ALOXE3: variants seen among roughly 807,000 people sequenced by gnomAD.
ALOXE3 encodes the protein arachidonate epidermal lipoxygenase 3.
In ALOXE3, 78 loss-of-function variants were observed where a neutral mutation model predicts 87.5. The ratio of observed to expected loss-of-function variants is 0.89; its 90% confidence interval spans 0.74 to 1.08. ALOXE3 has a LOEUF of 1.08. Among genes scored for constraint, ALOXE3 ranks in the 50% least tolerant of loss-of-function variants. The probability of loss-of-function intolerance (pLI) is 0.00; values close to 1 mark genes in which losing one functional copy is unlikely to be tolerated. For missense variants in ALOXE3, 946 were observed against 912.4 expected (o/e 1.04, Z -0.47); for synonymous variants, 363 against 370.8 (o/e 0.98, Z 0.24).
chr17:8,103,442 G>A lies in ALOXE3; in HGVS notation c.1837C>T (p.Pro613Ser). ...GTGGTGGTCCCCTTGGTCTGGGGTG[G>A]GGGCTGCCTCATGGATGATGGAGCA... ...PNAPSSMRQPPPQTKGTTTLK... is the reference protein window; with the variant it reads ...PNAPSSMRQPSPQTKGTTTLK... The change falls in exon 15 of 16, where the codon CCA becomes TCA. Residue 613 changes from proline to serine, a missense_variant. Pro to Ser is a moderately conservative substitution (Grantham distance 74). Transcript: ENST00000448843. The A allele has an allele frequency of 6.2e-7, 1 of 1,614,128 alleles. No individual in the cohort carries two copies. Among genetic ancestry groups the A allele is most frequent in the Non-Finnish European group, 8.5e-7 (1 of 1,180,020 alleles).
chr17:8,108,005 AAGAAAGAAAG>A (rs1280352284), intron 13 of ALOXE3, among the ~76,000 whole-genome samples: 1 of 44,270 alleles, frequency 2.3e-5, no homozygotes, highest in African/African-American at 7.0e-5. Flanking sequence ...GAAGGAAAGA[AAGAAAGAAAG>A]AAAGAAAGAA....
intron 13 of ALOXE3, among the ~76,000 whole-genome samples, chr17:8,105,478 T>C (rs919948700): frequency 4.6e-5 from 7 of 152,200 alleles, no homozygotes; most frequent in Admixed American, 1.3e-4. Context: ...CATAACCACC[T>C]GACATGTGTT....
At position 8,116,794 on chromosome 17, in the gene ALOXE3, C is replaced by T. The variant is rs150252440; in HGVS notation, c.334G>A (p.Glu112Lys). 6.2e-7 allele frequency: 1 copy of T among 1,614,252 alleles called. No homozygotes were observed. Among genetic ancestry groups the T allele is most frequent in the Non-Finnish European group, 8.5e-7 (1 of 1,180,044 alleles). ...GGCCCACCTGTTCCTGGCCTCAGCT[C>T]CACGGTGCAGTAGCCTTCAATCCAC... The part of the protein sequence containing the change: ...YQWIEGYCTV[E>K]LRPGTARTIC... The change falls in exon 3 of 16, where the codon GAG (glutamate) becomes AAG (lysine). Residue 112 changes from glutamate (E) to lysine (K), a missense_variant. Glu to Lys is a moderately conservative substitution (Grantham distance 56, BLOSUM62 1). Coordinates refer to ENST00000448843, the MANE Select transcript of ALOXE3 (RefSeq NM_021628.3).
intron 14 of ALOXE3, among the ~76,000 whole-genome samples, chr17:8,103,882 C>T (rs1979088095): frequency 6.6e-6 from 1 of 152,138 alleles, no homozygotes; most frequent in South Asian, 2.1e-4. Context: ...AGAGGAGCCC[C>T]TAAGTTCTTC....
intron 15 of ALOXE3, among the ~76,000 whole-genome samples, chr17:8,100,428 C>CTGGTG (rs2151829853): frequency 6.6e-6 from 1 of 152,272 alleles, no homozygotes; most frequent in African/African-American, 2.4e-5. Context: ...TGATTGCATG[C>CTGGTG]AAGTGTTTCA....
Position 8,096,799 on chromosome 17 carries a change from AGGGGCCTCT to A in ALOXE3, c.1957-2_1963del, listed in dbSNP as rs1567989504. 1 of 1,614,132 alleles carries A rather than the reference AGGGGCCTCT, an allele frequency of 6.2e-7. No individual in the cohort carries two copies. On this transcript the variant is annotated splice_acceptor_variant and coding_sequence_variant, in exon 16 of 16. Transcript: ENST00000448843. LOFTEE classifies it high-confidence loss of function. Reference sequence around the variant, plus strand: ...GAAGTGCTCATCTGGGTAGGTGCCCAGGGGCCTCTGGGAGGACATCAGGTAAGAGGTCAG... The same window carrying A: ...GAAGTGCTCATCTGGGTAGGTGCCCAGGGAGGACATCAGGTAAGAGGTCAG...
rs1031806487 is a variant in ALOXE3, at chr17:8,096,892, C to T, written c.1957-86G>A. 2.0e-6 allele frequency: 3 copies of T among 1,495,056 alleles called. No individual in the cohort carries two copies. In the African/African-American group the frequency reaches 4.1e-5, roughly 21 times the overall value. 92.6% of individuals were successfully genotyped at this position (1,495,056 alleles called of 1,614,324 possible). A position where few individuals can be genotyped will look rare whatever the true frequency, so the allele number is the denominator to read the frequency against. On this transcript the variant is annotated intron_variant, in intron 15 of 15. Coordinates refer to ENST00000448843, the MANE Select transcript of ALOXE3 (RefSeq NM_021628.3). ...GACCACATGTAACAGCAAATCCAGTCAAGGTGGCTTCTAGTAGCACAACCC... is the reference window on the plus strand; with the variant it reads ...GACCACATGTAACAGCAAATCCAGTTAAGGTGGCTTCTAGTAGCACAACCC...
chr17:8,111,218 G>A, intron 8 of ALOXE3, 141 bp downstream of exon 8: 3 of 1,066,948 alleles, frequency 2.8e-6, no homozygotes, highest in South Asian at 1.4e-5. Context: ...AAGTGTGCAG[G>A]ACCATGGCTG....
chr17:8,110,149 G>T lies in ALOXE3; in HGVS notation c.1248C>A (p.Cys416Ter). The change falls in exon 10 of 16, where the codon TGC becomes TGA. Residue 416 changes from cysteine (C) to a stop codon, truncating the protein, a stop_gained. Coordinates refer to ENST00000448843, the MANE Select transcript of ALOXE3 (RefSeq NM_021628.3). LOFTEE classifies it high-confidence loss of function. ...NTHFLCTHLL[C>*]EAFAMATLRQ... ...GCAGCGTGGCCATGGCGAAGGCCTCGCACAGCAAATGCGTGCACAGAAAGT... is the reference window on the plus strand; with the variant it reads ...GCAGCGTGGCCATGGCGAAGGCCTCTCACAGCAAATGCGTGCACAGAAAGT... The T allele has an allele frequency of 6.2e-7, 1 of 1,613,978 alleles. No homozygotes were observed. Among genetic ancestry groups the T allele is most frequent in the South Asian group, 1.1e-5 (1 of 91,088 alleles).
chr17:8,114,611 TG>T lies in ALOXE3; in HGVS notation c.555-3del. 6.2e-7 allele frequency: 1 copy of T among 1,613,752 alleles called. No individual in the cohort carries two copies. Among genetic ancestry groups the T allele is most frequent in the South Asian group, 1.1e-5 (1 of 91,042 alleles). ...CCGGGCAGGTACCGATTCCCACTGC[TG>T]GGGGTCGGGGGAGTAGAAAGACAGA... On this transcript the variant is annotated splice_region_variant and splice_polypyrimidine_tract_variant and intron_variant, in intron 5 of 15. Coordinates refer to ENST00000448843, the MANE Select transcript of ALOXE3 (RefSeq NM_021628.3).
intron 8 of ALOXE3, 65 bp downstream of exon 8, chr17:8,111,294 C>G: frequency 1.3e-6 from 2 of 1,595,330 alleles, no homozygotes; most frequent in Admixed American, 1.7e-5. Flanking sequence ...ACACACATCC[C>G]TTGTCCATAA....
At position 8,096,643 on chromosome 17, in the gene ALOXE3, T is replaced by C. The variant is rs1210435532; in HGVS notation, c.2120A>G (p.Asn707Ser). The C allele has an allele frequency of 1.4e-6, 2 of 1,426,060 alleles. No individual in the cohort carries two copies. Among genetic ancestry groups the C allele is most frequent in the South Asian group, 1.1e-5 (1 of 87,324 alleles). The allele number at this position is 1,426,060 out of a possible 1,614,324, so 88.3% of individuals were successfully genotyped here. A position where few individuals can be genotyped will look rare whatever the true frequency, so the allele number is the denominator to read the frequency against. ...TGGGGGTGGTTAGATGGAGACGCTG[T>C]TCTCAATGAGGGGAGGGTCCAGGTA... ...YTYLDPPLIE[N>S]SVSI is the part of the protein sequence containing the mutation. Residue 707 changes from asparagine (N) to serine (S), a missense_variant, in exon 16 of 16, where the codon AAC (asparagine) becomes AGC (serine). Coordinates refer to ENST00000448843, the MANE Select transcript of ALOXE3 (RefSeq NM_021628.3).
rs1979585152 is a variant in ALOXE3, at chr17:8,107,962, GAA to G, written c.1684+504_1684+505del. On this transcript the variant is annotated intron_variant, in intron 13 of 15. Transcript: ENST00000448843. ...GAAAGAAAGAAAGAAAGAAAGAAAG[GAA>G]GGAGAGAGAGAGAGAGAGAAAGAAA... Among the ~76,000 whole-genome samples, 2 of 5,856 alleles carry G rather than the reference GAA, an allele frequency of 3.4e-4. 1 individual carries two copies. Among genetic ancestry groups the G allele is most frequent in the Non-Finnish European group, 1.1e-3 (2 of 1,856 alleles). 3.8% of individuals were successfully genotyped at this position (5,856 alleles called of 152,430 possible). A position where few individuals can be genotyped will look rare whatever the true frequency, so the allele number is the denominator to read the frequency against.
intron 15 of ALOXE3, among the ~76,000 whole-genome samples, chr17:8,102,397 G>T (rs972104583): frequency 6.6e-6 from 1 of 152,142 alleles, no homozygotes; most frequent in Non-Finnish European, 1.5e-5. Context: ...GGAGGCTGAG[G>T]CAGGAGAATC....
intron 5 of ALOXE3, 63 bp from the exon 6 acceptor site, chr17:8,114,672 A>C: frequency 6.2e-7 from 1 of 1,603,410 alleles, no homozygotes; most frequent in Non-Finnish European, 8.5e-7. Flanking sequence ...CAGCTGCTCA[A>C]CTCCTTCCCT....
chr17:8,096,852 T>C, intron 15 of ALOXE3, 46 bp from the exon 16 acceptor site: 1 of 1,600,634 alleles, frequency 6.2e-7, no homozygotes, highest in Non-Finnish European at 8.6e-7. Context: ...TCAGATGGGA[T>C]GGGGAATAAC....
chr17:8,118,519 C>A (rs926445542), upstream of ALOXE3: 3 of 1,536,102 alleles, frequency 2.0e-6, no homozygotes, highest in East Asian at 7.4e-5. Context: ...CCGTGTGAAT[C>A]ACTAAACAGT....
intron 8 of ALOXE3, among the ~76,000 whole-genome samples, 155 bp from the exon 9 acceptor site, chr17:8,110,683 C>G (rs1219304762): frequency 2.0e-5 from 3 of 152,180 alleles, no homozygotes; most frequent in Non-Finnish European, 2.9e-5. Context: ...AGTGGGGTAC[C>G]CCGCCCTTCC....
At chr17:8,110,572 C>A in intron 8 of ALOXE3, 44 bp from the exon 9 acceptor site, 1 of 1,612,462 alleles carries the variant, frequency 6.2e-7, no homozygotes, top group South Asian at 1.1e-5. Flanking sequence ...CCTACTCGCG[C>A]TCCACTTCCC....
Sources: gnomAD v4.1 joint callset for allele counts (sites outside exome capture counted in the v4.1 genomes callset) on GRCh38, gnomAD v4.1.1 for gene constraint, MANE v1.5 for transcripts, NCBI Gene and HGNC (gene_info 2026-07-23, HGNC 2026-07-21) for gene names.